SKP2: variants seen among roughly 807,000 people sequenced by gnomAD.
SKP2 encodes the protein S-phase kinase-associated protein 2.
SKP2 carries 16 observed loss-of-function variants against 51.8 expected under a neutral mutation model. The observed-to-expected ratio is 0.31, with a 90% CI of 0.21 to 0.47. The LOEUF (loss-of-function observed/expected upper bound fraction) is 0.47, where lower values mean the gene tolerates loss of function less well. Ranked by LOEUF, SKP2 falls within the 20% of genes least tolerant of loss-of-function variation. The pLI is 1.00. For synonymous variants in SKP2, 176 were observed against 198.6 expected, an observed-to-expected ratio of 0.89 and a Z score of 0.96; for missense variants, 377 against 505.3, an observed-to-expected ratio of 0.75 and a Z score of 2.43.
chr5:36,171,557 C>T, intron 6 of SKP2, 46 bp from the exon 7 acceptor site: 1 of 1,582,650 alleles, frequency 6.3e-7, no homozygotes, highest in Non-Finnish European at 8.6e-7. Flanking sequence ...AAACTCATTC[C>T]CGTGTGATGG....
intron 7 of SKP2, chr5:36,193,474 CAAAAAAAAAA>C (rs35678845): frequency 5.0e-5 from 3 of 60,434 alleles, no homozygotes; most frequent in Non-Finnish European, 6.7e-5. Context: ...ACTCCGTTCT[CAAAAAAAAAA>C]AAAAAAAAAA....
At chr5:36,162,349 T>G (rs1222794073) in intron 2 of SKP2, among the ~76,000 whole-genome samples, 1 of 152,210 alleles carries the variant, frequency 6.6e-6, no homozygotes, top group Non-Finnish European at 1.5e-5. Context: ...CTCACAGGGC[T>G]CACTCCCTCA....
chr5:36,153,163 T>A, intron 2 of SKP2, 121 bp downstream of exon 2: 4 of 906,348 alleles, frequency 4.4e-6, no homozygotes, highest in Non-Finnish European at 6.7e-6. Context: ...ATTCTGAAGC[T>A]ATTTTTCAAC....
chr5:36,165,460 G>C (rs1745253705), intron 3 of SKP2, among the ~76,000 whole-genome samples: 1 of 152,172 alleles, frequency 6.6e-6, no homozygotes, highest in Non-Finnish European at 1.5e-5. Context: ...GCTATAGTTT[G>C]CCTTCTTGCA....
chr5:36,190,584 A>G lies in SKP2; in HGVS notation c.633-2037A>G, dbSNP rs77904310. Among the ~76,000 whole-genome samples, 1,837 of 149,790 alleles carry G rather than the reference A, an allele frequency of 0.012. 150 individuals are homozygous for G. In the East Asian group the frequency reaches 0.22, roughly 18 times the overall value. ...AATTCTGTTCCTTTTGGACCCTTCC[A>G]TTCGAATGGTAGAATGGTGATTCTT... On this transcript the variant is annotated intron_variant, in intron 6 of 7. Coordinates refer to the SKP2 transcript ENST00000677886.
chr5:36,181,969 A>G lies in SKP2; in HGVS notation c.1213A>G (p.Lys405Glu). Residue 405 changes from lysine (K) to glutamate (E), a missense_variant, in exon 10 of 10, where the codon AAG becomes GAG. By Grantham distance (56) the Lys-to-Glu change is moderately conservative (BLOSUM62 1). Coordinates refer to ENST00000274255, the MANE Select transcript of SKP2 (RefSeq NM_005983.4). ...TIARPTIGNK[K>E]NQEIWGIKCR... ...TGCCAGGCCAACTATTGGCAACAAA[A>G]AGAACCAGGAGATATGGGGCATCAA... 6.2e-7 allele frequency: 1 copy of G among 1,614,158 alleles called. No individual in the cohort carries two copies. Among genetic ancestry groups the G allele is most frequent in the Non-Finnish European group, 8.5e-7 (1 of 1,179,996 alleles).
Position 36,163,691 on chromosome 5 carries a change from T to C in SKP2, c.327T>C (p.Phe109=), listed in dbSNP as rs1485137608. The change falls in exon 3 of 10, where the codon TTT becomes TTC. Residue 109 remains phenylalanine (F), a synonymous_variant. Transcript: ENST00000274255. ...SLPDELLLGI[F]SCLCLPELLK... The stretch of plus-strand genomic sequence containing the variant: ...CGGATGAGCTGCTCTTGGGAATCTT[T>C]TCCTGTCTGTGCCTCCCTGAGCTGC... The C allele has an allele frequency of 1.2e-6, 2 of 1,614,118 alleles. No individual in the cohort carries two copies. Among genetic ancestry groups the C allele is most frequent in the South Asian group, 1.1e-5 (1 of 91,078 alleles).
Position 36,159,722 on chromosome 5 carries a change from C to T in SKP2, c.281-3923C>T, listed in dbSNP as rs543303088. ...TAGGGATAACCTGCCTATTAGCCTA[C>T]TCCAGGTTGGCTTTCTTCCCTTCCA... On this transcript the variant is annotated intron_variant, in intron 2 of 9. Transcript: ENST00000274255. Among the ~76,000 whole-genome samples the T allele has an allele frequency of 9.4e-4, 143 of 152,350 alleles. 1 individual carries two copies. The highest frequency in any genetic ancestry group is 3.0e-3 in the African/African-American group (125 of 41,576).
At chr5:36,177,554 T>A (rs1212628560) in intron 9 of SKP2, 1 of 450,722 alleles carries the variant, frequency 2.2e-6, no homozygotes, top group African/African-American at 2.0e-5. Flanking sequence ...ATGAGAAGAC[T>A]TAGCAGAGAA....
chr5:36,181,997 G>T lies in SKP2; in HGVS notation c.1241G>T (p.Cys414Phe), dbSNP rs1350689953. 2 of 1,614,018 alleles carry T rather than the reference G, an allele frequency of 1.2e-6. No individual in the cohort carries two copies. Among genetic ancestry groups the T allele is most frequent in the Admixed American group, 3.3e-5 (2 of 60,008 alleles). Residue 414 changes from cysteine to phenylalanine, a missense_variant, in exon 10 of 10, where the codon TGC becomes TTC. By Grantham distance (205) the Cys-to-Phe change is radical. Transcript: ENST00000274255. ...KKNQEIWGIK[C>F]RLTLQKPSCL ...AACCAGGAGATATGGGGCATCAAAT[G>T]CCGACTGACACTGCAAAAGCCCAGT...
chr5:36,167,264 C>T (rs1745316503), intron 4 of SKP2, among the ~76,000 whole-genome samples: 1 of 152,152 alleles, frequency 6.6e-6, no homozygotes, highest in Non-Finnish European at 1.5e-5. Flanking sequence ...AAAGATAAAA[C>T]ATGTCTCCTG....
chr5:36,179,542 C>A (rs1233545941), intron 9 of SKP2, among the ~76,000 whole-genome samples: 1 of 152,036 alleles, frequency 6.6e-6, no homozygotes, highest in Admixed American at 6.6e-5. Context: ...TAATTCTTCC[C>A]TATTTCTCAT....
chr5:36,177,035 AT>A lies in SKP2; in HGVS notation c.953+23del. On this transcript the variant is annotated intron_variant, in intron 8 of 9. Transcript: ENST00000274255. Reference sequence around the variant, plus strand: ...ACTTAAGGTATTTTTTTATTTGTTTATTTTAGATCAAAAGTTGAAAAATCTT... The same window carrying A: ...ACTTAAGGTATTTTTTTATTTGTTTATTTAGATCAAAAGTTGAAAAATCTT... 1 of 1,544,994 alleles carries A rather than the reference AT, an allele frequency of 6.5e-7. No homozygotes were observed. Among genetic ancestry groups the A allele is most frequent in the Non-Finnish European group, 8.9e-7 (1 of 1,126,752 alleles).
intron 2 of SKP2, among the ~76,000 whole-genome samples, chr5:36,156,987 A>G (rs1325430656): frequency 6.6e-6 from 1 of 152,090 alleles, no homozygotes; most frequent in Admixed American, 6.5e-5. Context: ...TATCTGAAAC[A>G]GCAGTTTTAC....
At chr5:36,158,651 G>A (rs567599120) in intron 2 of SKP2, among the ~76,000 whole-genome samples, 9 of 152,276 alleles carry the variant, frequency 5.9e-5, no homozygotes, top group African/African-American at 9.6e-5. Context: ...TAGCAAGTCC[G>A]GGTTTAATTC....
At chr5:36,164,172 C>G (rs1745215001) in intron 3 of SKP2, among the ~76,000 whole-genome samples, 1 of 152,190 alleles carries the variant, frequency 6.6e-6, no homozygotes, top group Non-Finnish European at 1.5e-5. Context: ...TGCTTACGCT[C>G]TGCATGACCT....
intron 2 of SKP2, among the ~76,000 whole-genome samples, chr5:36,157,668 A>G (rs1744996476): frequency 6.6e-6 from 1 of 152,172 alleles, no homozygotes; most frequent in African/African-American, 2.4e-5. Context: ...CCTGAAAGAA[A>G]TGCACACACA....
chr5:36,158,089 C>G (rs536081519), intron 2 of SKP2, among the ~76,000 whole-genome samples: 3 of 152,274 alleles, frequency 2.0e-5, no homozygotes, highest in African/African-American at 7.2e-5. Context: ...TTTGCCCTTT[C>G]CTGGCCCTGA....
At chr5:36,152,710 C>A in intron 1 of SKP2, 61 bp from the exon 2 acceptor site, 1 of 1,551,084 alleles carries the variant, frequency 6.4e-7, no homozygotes, top group Non-Finnish European at 8.8e-7. Flanking sequence ...TCTTTAATTG[C>A]CTTGAAATTA....
Sources: gnomAD v4.1 joint callset for allele counts (sites outside exome capture counted in the v4.1 genomes callset) on GRCh38, gnomAD v4.1.1 for gene constraint, MANE v1.5 for transcripts, NCBI Gene and HGNC (gene_info 2026-07-23, HGNC 2026-07-21) for gene names.